The following MYH11 variants were observed in gnomAD, a reference collection of about 807,000 sequenced individuals.
MYH11 encodes myosin-11.
In MYH11, 80 loss-of-function variants were observed where a neutral mutation model predicts 246.6. The observed-to-expected ratio is 0.32, with a 90% CI of 0.27 to 0.39. The LOEUF (loss-of-function observed/expected upper bound fraction) is 0.39. Among genes scored for constraint, MYH11 ranks in the 10% least tolerant of loss-of-function variants. MYH11 has a pLI of 1.00. For missense variants in MYH11, 2,158 were observed against 2,546.8 expected (o/e 0.85, Z 3.29); for synonymous variants, 1,071 against 1,015.5 (o/e 1.05, Z -1.04).
intron 3 of MYH11, among the ~76,000 whole-genome samples, chr16:15,816,459 C>G (rs2043265607): frequency 6.6e-6 from 1 of 151,972 alleles, no homozygotes; most frequent in Admixed American, 6.6e-5. Flanking sequence ...AAAAGTCATA[C>G]AGAAAGAAGA....
intron 40 of MYH11, chr16:15,714,478 T>C (rs549398605): frequency 1.1e-4 from 27 of 252,130 alleles, no homozygotes; most frequent in Non-Finnish European, 1.6e-4. Context: ...CCGAGAATAA[T>C]GCAGCCCAGA....
chr16:15,719,204 C>G lies in MYH11; in HGVS notation c.5171+16G>C, dbSNP rs754187827. On this transcript the variant is annotated intron_variant, in intron 36 of 40. Transcript: ENST00000300036. ...TCCTCTGCTTCAGAGCCCTCTTCCT[C>G]CATTCAGTTTCCTACCTTCCCGACA... 44 of 1,612,120 alleles carry G rather than the reference C, an allele frequency of 2.7e-5. No individual in the cohort carries two copies. The highest frequency in any genetic ancestry group is 3.7e-5 in the Non-Finnish European group (44 of 1,178,682).
intron 3 of MYH11, among the ~76,000 whole-genome samples, chr16:15,808,092 A>G (rs555580121): frequency 2.0e-5 from 3 of 152,194 alleles, no homozygotes; most frequent in African/African-American, 4.8e-5. Flanking sequence ...CCCCTGGGCT[A>G]GTAAAGAAGA....
At position 15,823,454 on chromosome 16, in the gene MYH11, G is replaced by A. The variant is rs1359504972; in HGVS notation, c.346-43C>T. 3.1e-6 allele frequency: 5 copies of A among 1,613,002 alleles called. No individual in the cohort carries two copies. In the African/African-American group the frequency reaches 6.7e-5, roughly 22 times the overall value. On this transcript the variant is annotated intron_variant, in intron 2 of 40. Coordinates refer to ENST00000300036, the MANE Select transcript of MYH11 (RefSeq NM_002474.3). ...AGCTTACTTCCAGACCTCCTCCAGG[G>A]TAGACAGATTGCACAGAAGCACTCA... is the stretch of plus-strand genomic sequence containing the variant.
chr16:15,793,796 A>G (rs1302668730), intron 4 of MYH11, among the ~76,000 whole-genome samples: 1 of 126,676 alleles, frequency 7.9e-6, no homozygotes, highest in African/African-American at 3.0e-5. Flanking sequence ...ATTTTTTTGT[A>G]TTTTTTTTAG....
chr16:15,815,024 A>G (rs927771145), intron 3 of MYH11, among the ~76,000 whole-genome samples: 1 of 152,254 alleles, frequency 6.6e-6, no homozygotes, highest in South Asian at 2.1e-4. Context: ...TTTTTCTACA[A>G]ACCTTCTCTG....
chr16:15,826,564 T>C (rs1037765238), intron 2 of MYH11, among the ~76,000 whole-genome samples: 1 of 148,244 alleles, frequency 6.7e-6, no homozygotes, highest in Non-Finnish European at 1.5e-5. Flanking sequence ...CTCCAGCCTG[T>C]GTGACACGGT....
rs1239732190 is a variant in MYH11 at position 15,725,004 on chromosome 16, A to G, written c.3859-12T>C. The G allele has an allele frequency of 6.2e-6, 10 of 1,612,326 alleles. No homozygotes were observed. Among genetic ancestry groups the G allele is most frequent in the Non-Finnish European group, 8.5e-6 (10 of 1,178,838 alleles). On this transcript the variant is annotated splice_polypyrimidine_tract_variant and intron_variant, in intron 28 of 40. Coordinates refer to ENST00000300036, the MANE Select transcript of MYH11 (RefSeq NM_002474.3). The stretch of plus-strand genomic sequence containing the variant: ...CTCTCAACTTCATTCTAAGGGTGCC[A>G]AGAGACTGGTTAGTCAAAGCCTCTA...
At chr16:15,808,094 T>A (rs1472838147) in intron 3 of MYH11, among the ~76,000 whole-genome samples, 1 of 152,156 alleles carries the variant, frequency 6.6e-6, no homozygotes, top group Non-Finnish European at 1.5e-5. Flanking sequence ...CCTGGGCTAG[T>A]AAAGAAGAAA....
rs1008450273 is a variant in MYH11, at chr16:15,703,746, G to A, written c.*245C>T. ...TGGGACCACAGGTGTGTACCACCAC[G>A]CCCAGCTTATTTTTAAATTCTTGTA... is the stretch of plus-strand genomic sequence containing the variant. On this transcript the variant is annotated 3_prime_UTR_variant, in exon 41 of 41. Coordinates refer to ENST00000300036, the MANE Select transcript of MYH11 (RefSeq NM_002474.3). 3.2e-5 allele frequency: 17 copies of A among 526,156 alleles called. No homozygotes were observed. Among genetic ancestry groups the A allele is most frequent in the Middle Eastern group, 5.3e-4 (1 of 1,892 alleles). The allele number at this position is 526,156 out of a possible 1,614,324, so 32.6% of individuals were successfully genotyped here.
chr16:15,718,289 G>A (rs778792473), intron 37 of MYH11, 26 bp downstream of exon 37: 3 of 1,607,102 alleles, frequency 1.9e-6, no homozygotes, highest in Non-Finnish European at 2.5e-6. Context: ...TAGGCAGCGT[G>A]ACTGTGGTGT....
rs1567191110 is a variant in MYH11, at chr16:15,809,470, T to TG, written c.503-10784dup. Among the ~76,000 whole-genome samples the TG allele has an allele frequency of 1.2e-4, 18 of 151,876 alleles. No individual in the cohort carries two copies. In the South Asian group the frequency reaches 3.7e-3, roughly 32 times the overall value. ...TCACTTGAGCCCAGGAGTTGGAGGCTGGAGTGAGCTATGAGTGTGCCACTC... is the reference window on the plus strand; with the variant it reads ...TCACTTGAGCCCAGGAGTTGGAGGCTGGGAGTGAGCTATGAGTGTGCCACTC... On this transcript the variant is annotated intron_variant, in intron 3 of 40. Transcript: ENST00000300036.
intron 4 of MYH11, chr16:15,792,601 G>T (rs1045809467): frequency 5.3e-5 from 8 of 152,132 alleles, no homozygotes; most frequent in Admixed American, 2.0e-4. Context: ...AAGTGGGTGC[G>T]GCTGTGTTTC....
In MYH11 at chr16:15,818,639, C is replaced by T. The variant is rs536392686; in HGVS notation, c.502+4616G>A. On this transcript the variant is annotated intron_variant, in intron 3 of 40. Coordinates refer to ENST00000300036, the MANE Select transcript of MYH11 (RefSeq NM_002474.3). ...TTTTAGTAGAGACGGAGATTCACCA[C>T]GTTAGCCAGGATGGTCTCGATCTCC... 9.2e-5 allele frequency among the ~76,000 whole-genome samples: 14 copies of T among 151,946 alleles called. No individual in the cohort carries two copies. The East Asian group carries it at 2.3e-3, about 25-fold the overall frequency.
intron 3 of MYH11, among the ~76,000 whole-genome samples, chr16:15,809,356 A>C (rs2043087842): frequency 6.6e-6 from 1 of 151,426 alleles, no homozygotes; most frequent in Non-Finnish European, 1.5e-5. Context: ...ACATAATGAG[A>C]CCTCATCTCT....
At chr16:15,728,498 C>A (rs2040864964) in intron 27 of MYH11, among the ~76,000 whole-genome samples, 1 of 152,164 alleles carries the variant, frequency 6.6e-6, no homozygotes, top group Non-Finnish European at 1.5e-5. Flanking sequence ...CCGCCCCCGT[C>A]CTTCACAGGT....
chr16:15,778,688 A>T lies in MYH11; in HGVS notation c.790+92T>A, dbSNP rs534881770. ...GGAAGAAACCTAAGAGGCTGGAAAG[A>T]TAGAGGTGGCTCTTGGACTCTCCCA... On this transcript the variant is annotated intron_variant, in intron 7 of 40. Coordinates refer to ENST00000300036, the MANE Select transcript of MYH11 (RefSeq NM_002474.3). 9.7e-5 allele frequency: 119 copies of T among 1,223,982 alleles called. No homozygotes were observed. In the East Asian group the frequency reaches 2.7e-3, roughly 28 times the overall value. The allele number at this position is 1,223,982 out of a possible 1,614,324, so 75.8% of individuals were successfully genotyped here.
chr16:15,737,468 G>C lies in MYH11; in HGVS notation c.3274C>G (p.Leu1092Val), dbSNP rs945042608. The C allele has an allele frequency of 4.3e-6, 7 of 1,613,274 alleles. No individual in the cohort carries two copies. The highest frequency in any genetic ancestry group is 2.7e-5 in the African/African-American group (2 of 75,052). Residue 1092 changes from leucine (L) to valine (V), a missense_variant, in exon 25 of 41, where the codon CTG (leucine) becomes GTG (valine). Physicochemically the swap from Leu to Val is conservative, Grantham distance 32. This residue lies in a region of MYH11 where 284 missense variants were observed against 315.4 expected (regional missense o/e 0.90). Transcript: ENST00000300036. ...CGCTACCTGGCCAGGGCCGCCTGCA[G>C]CTCCTCCTCCTTCTTGGCCAGCTGC... Reference protein sequence around the residue: ...KMQLAKKEEELQAALARLDDE... With the variant: ...KMQLAKKEEEVQAALARLDDE...
chr16:15,831,181 T>A (rs1461285940), intron 2 of MYH11, among the ~76,000 whole-genome samples: 1 of 151,726 alleles, frequency 6.6e-6, no homozygotes, highest in Non-Finnish European at 1.5e-5. Flanking sequence ...CGAAAAATAA[T>A]ATAAATAAAT....
Sources: gnomAD v4.1 joint callset for allele counts (sites outside exome capture counted in the v4.1 genomes callset) on GRCh38, gnomAD v4.1.1 for gene constraint, gnomAD v4.1.1 regional missense constraint, MANE v1.5 for transcripts, NCBI Gene and HGNC (gene_info 2026-07-23, HGNC 2026-07-21) for gene names.